Variants in GLYATL1 observed in about 807,000 individuals in gnomAD.
GLYATL1 encodes the protein glycine-N-acyltransferase like 1, also known as glycine N-acyltransferase-like protein 1.
GLYATL1 carries 15 observed loss-of-function variants against 20.0 expected under a neutral mutation model. The ratio of observed to expected loss-of-function variants is 0.75; its 90% CI spans 0.50 to 1.15. GLYATL1 has a LOEUF of 1.15. Ranked by LOEUF, GLYATL1 falls within the 50% of genes most tolerant of loss-of-function variation. The pLI is 0.00. For synonymous variants in GLYATL1, 151 were observed against 131.5 expected, an observed-to-expected ratio of 1.15 and a Z score of -1.01; for missense variants, 380 against 368.5, an observed-to-expected ratio of 1.03 and a Z score of -0.26.
At chr11:58,949,561 G>A (rs144166635) in intron 4 of GLYATL1, among the ~76,000 whole-genome samples, 253 of 152,160 alleles carry the variant, frequency 1.7e-3, no homozygotes, top group Middle Eastern at 3.4e-3. Flanking sequence ...TTTTAGCAAC[G>A]TAACTATAGC....
chr11:58,951,458 A>G (rs769089446), intron 4 of GLYATL1, among the ~76,000 whole-genome samples: 2 of 151,818 alleles, frequency 1.3e-5, no homozygotes, highest in African/African-American at 4.8e-5. Context: ...CCCTTCACCA[A>G]TCTTTTTTTA....
chr11:58,940,079 A>T (rs190263461), intron 1 of GLYATL1, among the ~76,000 whole-genome samples: 1 of 152,170 alleles, frequency 6.6e-6, no homozygotes, highest in Non-Finnish European at 1.5e-5. Flanking sequence ...CTTTTGTAAC[A>T]CTGTTTGACC....
chr11:58,924,368 G>A (rs539441237), upstream of GLYATL1, among the ~76,000 whole-genome samples: 5 of 152,124 alleles, frequency 3.3e-5, no homozygotes, highest in African/African-American at 7.2e-5. Context: ...AGACTTAACC[G>A]GGGAAGCCTC....
At chr11:58,953,901 C>T (rs1244295589) in intron 4 of GLYATL1, among the ~76,000 whole-genome samples, 3 of 152,196 alleles carry the variant, frequency 2.0e-5, no homozygotes, top group Non-Finnish European at 2.9e-5. Context: ...GAAACATCCT[C>T]ATCTTCCAAT....
intron 1 of GLYATL1, among the ~76,000 whole-genome samples, chr11:58,941,180 T>G (rs1856116856): frequency 8.7e-6 from 1 of 114,566 alleles, no homozygotes; most frequent in African/African-American, 3.4e-5. Flanking sequence ...CCTAATGCTA[T>G]CCCTCCCCCC....
At chr11:58,943,410 CA>C in intron 1 of GLYATL1, 132 bp from the exon 2 acceptor site, 1 of 1,527,974 alleles carries the variant, frequency 6.5e-7, no homozygotes, top group Non-Finnish European at 8.8e-7. Context: ...TCTATAAATT[CA>C]TTTTGACCAC....
chr11:58,947,816 G>T (rs754717789), intron 3 of GLYATL1, 42 bp from the exon 4 acceptor site: 4 of 1,328,662 alleles, frequency 3.0e-6, no homozygotes, highest in Non-Finnish European at 4.3e-6. Context: ...CCTCATCTCT[G>T]GGGATCTCAA....
intron 2 of GLYATL1, among the ~76,000 whole-genome samples, chr11:58,944,001 G>C (rs750778189): frequency 1.2e-4 from 18 of 151,110 alleles, no homozygotes; most frequent in Non-Finnish European, 1.0e-4. Flanking sequence ...AAAATCACTG[G>C]CTAAGTTCAT....
intron 1 of GLYATL1, among the ~76,000 whole-genome samples, chr11:58,929,099 A>G (rs1283446357): frequency 6.6e-6 from 1 of 152,238 alleles, no homozygotes; most frequent in African/African-American, 2.4e-5. Flanking sequence ...TTTTCCTTTA[A>G]TACTTCTGCC....
intron 1 of GLYATL1, among the ~76,000 whole-genome samples, chr11:58,941,399 C>T (rs1856142821): frequency 6.6e-6 from 1 of 152,024 alleles, no homozygotes; most frequent in African/African-American, 2.4e-5. Flanking sequence ...CATAGTATTC[C>T]ATGGTGTATA....
chr11:58,941,979 A>C (rs573782663), intron 1 of GLYATL1, among the ~76,000 whole-genome samples: 1 of 152,178 alleles, frequency 6.6e-6, no homozygotes, highest in African/African-American at 2.4e-5. Context: ...GAAGCATATA[A>C]AAGTTTACCC....
At chr11:58,955,489 A>C in intron 6 of GLYATL1, 121 bp from the exon 7 acceptor site, 1 of 1,383,220 alleles carries the variant, frequency 7.2e-7, no homozygotes, top group South Asian at 1.4e-5. Flanking sequence ...TTCAAGATCC[A>C]AAACTTTGCA....
chr11:58,915,906 C>T (rs1855159933), intron 1 of GLYATL1, among the ~76,000 whole-genome samples: 1 of 133,408 alleles, frequency 7.5e-6, no homozygotes, highest in South Asian at 2.7e-4. Flanking sequence ...CTCTTTCTCA[C>T]TCTAGAGGGA....
intron 4 of GLYATL1, among the ~76,000 whole-genome samples, chr11:58,951,353 T>C (rs1338258966): frequency 6.6e-6 from 1 of 152,182 alleles, no homozygotes; most frequent in African/African-American, 2.4e-5. Flanking sequence ...TAACATGTTA[T>C]ATATTTTTGT....
chr11:58,913,329 G>A (rs137947041), downstream of GLYATL1, among the ~76,000 whole-genome samples: 2 of 152,246 alleles, frequency 1.3e-5, no homozygotes, highest in East Asian at 3.9e-4. Flanking sequence ...GATGAGAGGT[G>A]TGAAGGAAAT....
chr11:58,914,987 C>T (rs1327359545), intron 1 of GLYATL1, among the ~76,000 whole-genome samples: 1 of 152,192 alleles, frequency 6.6e-6, no homozygotes, highest in Non-Finnish European at 1.5e-5. Flanking sequence ...ATGTAGGAGA[C>T]TCCAAAATCT....
At chr11:58,927,806 TC>T (rs771584030) in exon 1 of GLYATL1, 2 of 152,222 alleles carry the variant, frequency 1.3e-5, no homozygotes, top group Admixed American at 6.5e-5. Context: ...CTGCCTTTTT[TC>T]TTATCTATTG....
rs145368654 is a variant in GLYATL1, at chr11:58,955,711, T to C, written c.593T>C (p.Ile198Thr). The change falls in exon 7 of 7, where the codon ATC becomes ACC. Residue 198 changes from isoleucine (I) to threonine (T), a missense_variant. By Grantham distance (89) the Ile-to-Thr change is moderately conservative. Transcript: ENST00000532726. Reference protein sequence around the residue: ...RGKNERSLHYIKRCIEDLPAA... With the variant: ...RGKNERSLHYTKRCIEDLPAA... The stretch of plus-strand genomic sequence containing the variant: ...AAGAATGAGAGGAGCCTGCATTACA[T>C]CAAGCGCTGCATAGAAGACCTGCCA... The C allele has an allele frequency of 4.0e-5, 65 of 1,614,038 alleles. No individual in the cohort carries two copies. The highest frequency in any genetic ancestry group is 4.8e-5 in the Non-Finnish European group (57 of 1,180,034).
intron 1 of GLYATL1, among the ~76,000 whole-genome samples, chr11:58,941,755 TGACTGGACAGATGTCAGGGA>T (rs1856174345): frequency 6.6e-6 from 1 of 152,228 alleles, no homozygotes; most frequent in South Asian, 2.1e-4. Context: ...GTCTAGGACC[TGACTGGACAGATGTCAGGGA>T]GGTGACTGGA....
Sources: gnomAD v4.1 joint callset for allele counts (sites outside exome capture counted in the v4.1 genomes callset) on GRCh38, gnomAD v4.1.1 for gene constraint, MANE v1.5 for transcripts, NCBI Gene and HGNC (gene_info 2026-07-23, HGNC 2026-07-21) for gene names.